IGFL2: variants seen among roughly 807,000 people sequenced by gnomAD.
IGFL2 encodes the protein IGF like family member 2, also known as insulin growth factor-like family member 2.
In IGFL2, 7 loss-of-function variants were observed where a neutral mutation model predicts 13.9. That is an observed-to-expected ratio of 0.51 (90% CI 0.29 to 0.95). IGFL2 has a LOEUF of 0.95. IGFL2 is among the 40% of genes least tolerant of loss of function. The probability of loss-of-function intolerance (pLI) is 0.08; values close to 1 mark genes in which losing one functional copy is unlikely to be tolerated. For synonymous variants in IGFL2, 55 were observed against 55.8 expected (o/e 0.99, Z 0.07); for missense variants, 138 against 147.8 (o/e 0.93, Z 0.34).
chr19:46,104,193 G>A, the IGFL2 span, among the ~76,000 whole-genome samples: 3 of 152,162 alleles, frequency 2.0e-5, no homozygotes, highest in South Asian at 6.2e-4. Context: ...GGTTGGGTCC[G>A]AGCAAGAAAG....
At chr19:46,153,786 C>T (rs1973645150) in intron 1 of IGFL2, among the ~76,000 whole-genome samples, 1 of 147,840 alleles carries the variant, frequency 6.8e-6, no homozygotes, top group African/African-American at 2.5e-5. Context: ...TTTGGGGTAG[C>T]TTTTGCCTTT....
chr19:46,108,908 G>C, the IGFL2 span, among the ~76,000 whole-genome samples: 15 of 152,248 alleles, frequency 9.9e-5, no homozygotes, highest in Admixed American at 9.8e-4. Flanking sequence ...AACAGCAAGA[G>C]AGGTTGGAGA....
At chr19:46,148,198 G>A, upstream of IGFL2, 3 of 1,337,352 alleles carry the variant, frequency 2.2e-6, no homozygotes, top group Non-Finnish European at 3.1e-6. Context: ...ATGTGGATAA[G>A]TTCATAGCCT....
the IGFL2 span, among the ~76,000 whole-genome samples, chr19:46,109,465 C>T: frequency 6.6e-6 from 1 of 152,040 alleles, no homozygotes; most frequent in South Asian, 2.1e-4. Flanking sequence ...CAGGTGCCCG[C>T]CACCACACCC....
At chr19:46,211,678 G>A in the IGFL2 span, 1 of 152,212 alleles carries the variant, frequency 6.6e-6, no homozygotes. Flanking sequence ...CACGGGCTGA[G>A]GTACTGCTGC....
chr19:46,122,485 A>G, the IGFL2 span, among the ~76,000 whole-genome samples: 1 of 151,052 alleles, frequency 6.6e-6, no homozygotes, highest in African/African-American at 2.5e-5. Context: ...ATAGCAGCAG[A>G]CTAAAAACAT....
the IGFL2 span, among the ~76,000 whole-genome samples, chr19:46,114,753 C>T: frequency 6.6e-6 from 1 of 152,166 alleles, no homozygotes; most frequent in Admixed American, 6.5e-5. Context: ...TTCCAGAGAC[C>T]TTCCCAGCCA....
At chr19:46,168,916 ATGTG>A in the IGFL2 span, among the ~76,000 whole-genome samples, 23 of 145,716 alleles carry the variant, frequency 1.6e-4, no homozygotes, top group East Asian at 6.0e-4. Flanking sequence ...GTGTGTGTGT[ATGTG>A]TGTGTGTGTG....
chr19:46,151,448 G>T (rs1973485007), intron 1 of IGFL2, among the ~76,000 whole-genome samples: 2 of 152,136 alleles, frequency 1.3e-5, no homozygotes, highest in African/African-American at 4.8e-5. Flanking sequence ...TTTATTCATT[G>T]ATCTATATGT....
chr19:46,198,988 C>A, the IGFL2 span, among the ~76,000 whole-genome samples: 1 of 152,198 alleles, frequency 6.6e-6, no homozygotes, highest in East Asian at 1.9e-4. Context: ...AAGGCCCCCA[C>A]GGTTTCACAT....
Position 46,160,731 on chromosome 19 carries a change from G to A in IGFL2, c.191G>A (p.Arg64His), listed in dbSNP as rs752694136. Reference sequence around the variant, plus strand: ...GCCATCGTGTCCCTGAGCGAGACCCGCCAATGTGGTCCCCCCTGCACCTTC... The same window carrying A: ...GCCATCGTGTCCCTGAGCGAGACCCACCAATGTGGTCCCCCCTGCACCTTC... ...NDAIVSLSET[R>H]QCGPPCTFWP... The change falls in exon 3 of 4, where the codon CGC becomes CAC. Residue 64 changes from arginine (R) to histidine (H), a missense_variant. Arg to His is a conservative substitution (Grantham distance 29). Coordinates refer to ENST00000377693, the MANE Select transcript of IGFL2 (RefSeq NM_001135113.2). The A allele has an allele frequency of 1.1e-5, 18 of 1,613,890 alleles. No homozygotes were observed. Among genetic ancestry groups the A allele is most frequent in the African/African-American group, 1.3e-5 (1 of 74,860 alleles).
At chr19:46,204,968 G>C in the IGFL2 span, 1 of 147,192 alleles carries the variant, frequency 6.8e-6, no homozygotes, top group East Asian at 2.0e-4. Flanking sequence ...TGTAGTTTTA[G>C]TATAGACGGG....
the IGFL2 span, among the ~76,000 whole-genome samples, chr19:46,175,740 C>T: frequency 6.6e-6 from 1 of 151,522 alleles, no homozygotes; most frequent in Non-Finnish European, 1.5e-5. Context: ...GGGGTTTCAC[C>T]ATTTTGGCCA....
At chr19:46,157,806 T>C (rs971293523) in intron 1 of IGFL2, among the ~76,000 whole-genome samples, 1 of 152,224 alleles carries the variant, frequency 6.6e-6, no homozygotes, top group Non-Finnish European at 1.5e-5. Flanking sequence ...AAAAAAAGAA[T>C]TACAATTTAT....
the IGFL2 span, among the ~76,000 whole-genome samples, chr19:46,115,454 A>G: frequency 6.6e-5 from 10 of 152,216 alleles, no homozygotes; most frequent in Admixed American, 2.0e-4. Context: ...ATCACTGGAA[A>G]TGTTGAGGGA....
At chr19:46,180,561 A>G in the IGFL2 span, 2 of 152,198 alleles carry the variant, frequency 1.3e-5, no homozygotes, top group Non-Finnish European at 2.9e-5. Flanking sequence ...CTAATAGGAT[A>G]TATGTATATA....
At chr19:46,197,548 C>T in the IGFL2 span, among the ~76,000 whole-genome samples, 2 of 152,126 alleles carry the variant, frequency 1.3e-5, no homozygotes, top group Non-Finnish European at 1.5e-5. Context: ...CTGGCCTGCT[C>T]AGTGTCTCTG....
chr19:46,141,896 G>GT (rs1214015888), upstream of IGFL2, among the ~76,000 whole-genome samples: 2 of 152,128 alleles, frequency 1.3e-5, no homozygotes, highest in East Asian at 3.9e-4. Flanking sequence ...CAAAACTTCT[G>GT]TTTTTGAAAG....
At chr19:46,116,569 G>A in the IGFL2 span, among the ~76,000 whole-genome samples, 1 of 152,066 alleles carries the variant, frequency 6.6e-6, no homozygotes, top group Non-Finnish European at 1.5e-5. Flanking sequence ...TACAGATGAG[G>A]TTTCACTCTG....
Sources: gnomAD v4.1 joint callset for allele counts (sites outside exome capture counted in the v4.1 genomes callset) on GRCh38, gnomAD v4.1.1 for gene constraint, MANE v1.5 for transcripts, NCBI Gene and HGNC (gene_info 2026-07-23, HGNC 2026-07-21) for gene names.